The following PHF3 variants were observed in gnomAD, a reference collection of about 807,000 sequenced individuals.
PHF3 encodes PHD finger protein 3.
In PHF3, 41 loss-of-function variants were observed where a neutral mutation model predicts 178.4. That is an observed-to-expected ratio of 0.23 (90% CI 0.18 to 0.30). The LOEUF is 0.30. PHF3 is among the 10% of genes least tolerant of loss of function. The pLI is 1.00. For synonymous variants in PHF3, 842 were observed against 800.5 expected (o/e 1.05, Z -0.88); for missense variants, 2,346 against 2,398.1 (o/e 0.98, Z 0.45).
intron 1 of PHF3, among the ~76,000 whole-genome samples, chr6:63,646,266 A>G (rs1291912222): frequency 1.3e-5 from 2 of 152,150 alleles, no homozygotes; most frequent in African/African-American, 4.8e-5. Context: ...TTTCCTAAAA[A>G]TAATGAACTG....
rs529574365 is a variant in PHF3 at position 63,673,695 on chromosome 6, T to C, written c.245-6305T>C. Among the ~76,000 whole-genome samples the C allele has an allele frequency of 6.5e-4, 99 of 152,282 alleles. 1 individual carries two copies. The South Asian group carries it at 0.011, about 18-fold the overall frequency. ...AAATCAAGGGGGCAGGGTACCCGCC[T>C]GAGACTGGAATGCCTCCCAGACCCT... On this transcript the variant is annotated intron_variant, in intron 2 of 15. Coordinates refer to ENST00000262043, the MANE Select transcript of PHF3 (RefSeq NM_001370348.2).
intron 2 of PHF3, among the ~76,000 whole-genome samples, chr6:63,648,872 CTT>C (rs955821539): frequency 2.0e-4 from 31 of 152,088 alleles, no homozygotes; most frequent in African/African-American, 7.5e-4. Context: ...GTGGGGGAAA[CTT>C]AATAAGGCTT....
chr6:63,706,813 T>A lies in PHF3; in HGVS notation c.3648T>A (p.Pro1216=). The change falls in exon 13 of 16, where the codon CCT becomes CCA. Residue 1216 remains proline, a synonymous_variant. Transcript: ENST00000262043. ...TCTGGAAAGGTTTTATCAACATGCC[T>A]TCTGTGGCAAAATTTGTTACCAAAG... The part of the protein sequence containing the change: ...NFIWKGFINM[P]SVAKFVTKAY... The A allele has an allele frequency of 6.2e-7, 1 of 1,614,060 alleles. No individual in the cohort carries two copies. The highest frequency in any genetic ancestry group is 8.5e-7 in the Non-Finnish European group (1 of 1,179,942).
At chr6:63,709,683 C>T (rs1397345906) in intron 14 of PHF3, among the ~76,000 whole-genome samples, 2 of 152,150 alleles carry the variant, frequency 1.3e-5, no homozygotes, top group Non-Finnish European at 1.5e-5. Context: ...GAATACCTGT[C>T]TAGTTGTTTG....
Position 63,636,224 on chromosome 6 carries a change from C to T in PHF3, c.-26+74C>T, listed in dbSNP as rs1269198884. 2.1e-5 allele frequency: 7 copies of T among 332,620 alleles called. No homozygotes were observed. The Admixed American group carries it at 2.4e-4, about 12-fold the overall frequency. The allele number at this position is 332,620 out of a possible 1,614,324, so 20.6% of individuals were successfully genotyped here. A position where few individuals can be genotyped will look rare whatever the true frequency, so the allele number is the denominator to read the frequency against. Reference sequence around the variant, plus strand: ...CCCCCATCCCCTTCCACACGCACAGCGCCTCCGCGGGCCTCTCCGCCCCTC... The same window carrying T: ...CCCCCATCCCCTTCCACACGCACAGTGCCTCCGCGGGCCTCTCCGCCCCTC... On this transcript the variant is annotated intron_variant, in intron 1 of 15. Coordinates refer to ENST00000262043, the MANE Select transcript of PHF3 (RefSeq NM_001370348.2).
intron 1 of PHF3, among the ~76,000 whole-genome samples, chr6:63,636,998 A>G (rs1049924495): frequency 2.0e-5 from 3 of 152,136 alleles, no homozygotes. Flanking sequence ...TTAAATGCCA[A>G]TTCCTAGAGA....
rs755204097 is a variant in PHF3 at position 63,713,584 on chromosome 6, C to G, written c.5996C>G (p.Pro1999Arg). The change falls in exon 16 of 16, where the codon CCT becomes CGT. Residue 1999 changes from proline to arginine, a missense_variant. Pro to Arg is a moderately radical substitution (Grantham distance 103). Coordinates refer to ENST00000262043, the MANE Select transcript of PHF3 (RefSeq NM_001370348.2). ...SRNVDKKPDK[P>R]KSEDYEKDKE... ...AATGTAGACAAGAAGCCAGATAAAC[C>G]TAAAAGTGAAGACTATGAGAAGGAC... 1 of 1,613,362 alleles carries G rather than the reference C, an allele frequency of 6.2e-7. No individual in the cohort carries two copies. The highest frequency in any genetic ancestry group is 1.1e-5 in the South Asian group (1 of 91,024).
rs1246254962 is a variant in PHF3, at chr6:63,721,685, A to G, written c.*7977A>G. 7 of 1,551,462 alleles carry G rather than the reference A, an allele frequency of 4.5e-6. No homozygotes were observed. The highest frequency in any genetic ancestry group is 1.7e-4 in the Middle Eastern group (1 of 5,990). On this transcript the variant is annotated 3_prime_UTR_variant, in exon 16 of 16. Transcript: ENST00000262043. ...CTCTTCCTGCTTTTATTATATGCCA[A>G]GTACTTCCGTTTATAGTTACTTTTT...
In PHF3 at chr6:63,684,273, A is replaced by T. The variant is rs974314710; in HGVS notation, c.551A>T (p.Glu184Val). Reference protein sequence around the residue: ...KQPERSQVKEEVCMSLKPEYH... With the variant: ...KQPERSQVKEVVCMSLKPEYH... Reference sequence around the variant, plus strand: ...CCAGAAAGGAGTCAGGTTAAAGAAGAAGTATGTATGTCACTGAAACCTGAG... The same window carrying T: ...CCAGAAAGGAGTCAGGTTAAAGAAGTAGTATGTATGTCACTGAAACCTGAG... Residue 184 changes from glutamate (E) to valine (V), a missense_variant, in exon 4 of 16, where the codon GAA becomes GTA. Around this residue, in one of 8 missense-constraint regions of PHF3, gnomAD observed 843 missense variants for 795.2 expected, o/e 1.06. Coordinates refer to ENST00000262043, the MANE Select transcript of PHF3 (RefSeq NM_001370348.2). 1.9e-6 allele frequency: 3 copies of T among 1,614,000 alleles called. No homozygotes were observed. The highest frequency in any genetic ancestry group is 1.7e-5 in the Admixed American group (1 of 60,016).
At chr6:63,669,231 A>T (rs1765806823) in intron 2 of PHF3, among the ~76,000 whole-genome samples, 1 of 152,204 alleles carries the variant, frequency 6.6e-6, no homozygotes. Context: ...AACTATATTG[A>T]TAATTCTTCC....
Position 63,687,572 on chromosome 6 carries a change from G to C in PHF3, c.2189+1661G>C, listed in dbSNP as rs193001122. 1.5e-3 allele frequency among the ~76,000 whole-genome samples: 234 copies of C among 152,314 alleles called. 1 individual carries two copies. In the South Asian group the frequency reaches 0.022, roughly 14 times the overall value. On this transcript the variant is annotated intron_variant, in intron 4 of 15. Transcript: ENST00000262043. Reference sequence around the variant, plus strand: ...TCTTTAAAAAATTATCATGTGGACAGAGAGATGGAATAGGTGCCTTAAGTA... The same window carrying C: ...TCTTTAAAAAATTATCATGTGGACACAGAGATGGAATAGGTGCCTTAAGTA...
chr6:63,724,558 T>C lies in PHF3; in HGVS notation c.*10850T>C, dbSNP rs982658880. 6.6e-6 allele frequency among the ~76,000 whole-genome samples: 1 copy of C among 152,188 alleles called. No individual in the cohort carries two copies. The highest frequency in any genetic ancestry group is 1.5e-5 in the Non-Finnish European group (1 of 68,028). On this transcript the variant is annotated 3_prime_UTR_variant, in exon 16 of 16. Coordinates refer to ENST00000262043, the MANE Select transcript of PHF3 (RefSeq NM_001370348.2). ...TGATTAATTTGTGCTTAACAAAATG[T>C]TGATAATTTTTATATATCAAAAATC...
chr6:63,651,107 A>G (rs1765001479), intron 2 of PHF3, among the ~76,000 whole-genome samples: 2 of 152,158 alleles, frequency 1.3e-5, no homozygotes. Flanking sequence ...GTTTTAAAAA[A>G]TTGTTTTTGA....
chr6:63,688,452 C>T (rs1250154232), intron 4 of PHF3, among the ~76,000 whole-genome samples: 3 of 148,002 alleles, frequency 2.0e-5, no homozygotes, highest in Non-Finnish European at 3.0e-5. Context: ...TCTCCTGCCT[C>T]GGCCTCCCAA....
intron 2 of PHF3, among the ~76,000 whole-genome samples, chr6:63,666,528 C>T (rs962341016): frequency 4.6e-5 from 7 of 151,664 alleles, no homozygotes; most frequent in Admixed American, 6.6e-5. Flanking sequence ...TCCAGGACTT[C>T]TCCCTGCCAC....
At chr6:63,666,501 A>G (rs1322234615) in intron 2 of PHF3, among the ~76,000 whole-genome samples, 2 of 151,300 alleles carry the variant, frequency 1.3e-5, no homozygotes, top group Non-Finnish European at 2.9e-5. Flanking sequence ...ATTCCGCGGT[A>G]TCCATAGGGG....
At chr6:63,687,094 A>T (rs867577823) in intron 4 of PHF3, among the ~76,000 whole-genome samples, 1 of 152,152 alleles carries the variant, frequency 6.6e-6, no homozygotes, top group African/African-American at 2.4e-5. Flanking sequence ...TGTCACTTAC[A>T]TGCTCTTAAT....
At chr6:63,666,886 G>A (rs961164802) in intron 2 of PHF3, among the ~76,000 whole-genome samples, 2 of 151,834 alleles carry the variant, frequency 1.3e-5, no homozygotes, top group African/African-American at 4.8e-5. Flanking sequence ...CAAGTAGCTG[G>A]GATTACAGGC....
intron 2 of PHF3, among the ~76,000 whole-genome samples, chr6:63,667,640 G>T (rs1042458658): frequency 1.3e-5 from 2 of 152,066 alleles, no homozygotes; most frequent in East Asian, 3.9e-4. Context: ...TTTTCACCCG[G>T]TTTGTTCAAC....
Sources: allele counts gnomAD v4.1 joint callset (sites outside exome capture counted in the v4.1 genomes callset), GRCh38; gene constraint gnomAD v4.1.1; regional missense constraint gnomAD v4.1.1; transcripts MANE v1.5; gene names NCBI Gene and HGNC (gene_info 2026-07-23, HGNC 2026-07-21).